Variants in UTRN observed in about 807,000 individuals in gnomAD.
UTRN encodes the protein dystrophin-related protein 1.
A neutral mutation model predicts 463.9 loss-of-function variants in UTRN; 283 were observed. That is an observed-to-expected ratio of 0.61 (90% CI 0.55 to 0.67). The LOEUF (loss-of-function observed/expected upper bound fraction) is 0.67. UTRN is among the 30% of genes least tolerant of loss of function. UTRN has a pLI of 0.00. For missense variants in UTRN, 3,922 were observed against 4,084.3 expected (o/e 0.96, Z 1.08); for synonymous variants, 1,442 against 1,431.5 (o/e 1.01, Z -0.17).
intron 3 of UTRN, among the ~76,000 whole-genome samples, chr6:144,409,670 G>A (rs1468285643): frequency 1.3e-5 from 2 of 152,116 alleles, no homozygotes; most frequent in Admixed American, 6.5e-5. Context: ...GGAGACACTG[G>A]ACCCATTTCC....
intron 41 of UTRN, among the ~76,000 whole-genome samples, chr6:144,529,221 T>C (rs1050914723): frequency 1.3e-4 from 20 of 152,196 alleles, no homozygotes; most frequent in Non-Finnish European, 2.9e-5. Flanking sequence ...AGGCAGCTGG[T>C]GAGCAGGGTT....
intron 66 of UTRN, among the ~76,000 whole-genome samples, chr6:144,827,073 C>T (rs1293799973): frequency 6.6e-6 from 1 of 151,958 alleles, no homozygotes; most frequent in Non-Finnish European, 1.5e-5. Context: ...CTGGTTTTTT[C>T]CCCAGTATGA....
chr6:144,660,082 A>G (rs1178412766), intron 51 of UTRN: 2 of 392,100 alleles, frequency 5.1e-6, no homozygotes, highest in East Asian at 7.2e-5. Flanking sequence ...CTGCTGATGG[A>G]CCATAGCTCA....
intron 2 of UTRN, among the ~76,000 whole-genome samples, chr6:144,316,136 G>T (rs1421326563): frequency 1.3e-5 from 2 of 152,172 alleles, no homozygotes; most frequent in Non-Finnish European, 2.9e-5. Context: ...GATTACTTGA[G>T]GCCAGGAGTT....
intron 53 of UTRN, among the ~76,000 whole-genome samples, chr6:144,715,699 C>CCCA (rs1554350704): frequency 7.1e-6 from 1 of 141,418 alleles, no homozygotes; most frequent in East Asian, 2.8e-4. Flanking sequence ...CTCTTCCCCC[C>CCCA]CCACCCTTTT....
At position 144,670,456 on chromosome 6, in the gene UTRN, C is replaced by CT. The variant is rs145535795; in HGVS notation, c.7480-7950_7480-7949insT. ...GGAATTGTCTATTCATGTCCTTAAT[C>CT]AAGTTTTTGATGGGATTATTTGTTT... On this transcript the variant is annotated intron_variant, in intron 51 of 74. Coordinates refer to ENST00000367545, the MANE Select transcript of UTRN (RefSeq NM_007124.3). Among the ~76,000 whole-genome samples, 7,401 of 152,086 alleles carry CT rather than the reference C, an allele frequency of 0.049. 781 individuals are homozygous for CT. The East Asian group carries it at 0.51, about 10-fold the overall frequency.
chr6:144,360,417 T>G (rs1287066515), intron 2 of UTRN, among the ~76,000 whole-genome samples: 1 of 152,034 alleles, frequency 6.6e-6, no homozygotes, highest in Non-Finnish European at 1.5e-5. Context: ...AAGTGATCCA[T>G]CCACCTTAGC....
At chr6:144,622,150 A>G (rs888263821) in intron 51 of UTRN, among the ~76,000 whole-genome samples, 2 of 135,270 alleles carry the variant, frequency 1.5e-5, no homozygotes, top group Non-Finnish European at 1.6e-5. Flanking sequence ...TGAGTGTTTT[A>G]TCTTACAATA....
At chr6:144,316,313 T>C (rs1775285873) in intron 2 of UTRN, among the ~76,000 whole-genome samples, 1 of 152,234 alleles carries the variant, frequency 6.6e-6, no homozygotes, top group African/African-American at 2.4e-5. Context: ...GTTTGTGTGA[T>C]AGTGGGCACA....
intron 2 of UTRN, among the ~76,000 whole-genome samples, chr6:144,345,015 C>T (rs542026035): frequency 3.1e-4 from 47 of 152,196 alleles, no homozygotes; most frequent in Non-Finnish European, 5.9e-4. Context: ...GGGGAAAAAC[C>T]CCAAGTGATG....
At chr6:144,593,462 C>A (rs77583058) in intron 51 of UTRN, among the ~76,000 whole-genome samples, 1 of 152,090 alleles carries the variant, frequency 6.6e-6, no homozygotes, top group African/African-American at 2.4e-5. Context: ...CCTTGGCTTG[C>A]GACCAATCAG....
chr6:144,738,218 T>C (rs902331622), intron 54 of UTRN, among the ~76,000 whole-genome samples: 4 of 152,198 alleles, frequency 2.6e-5, no homozygotes, highest in African/African-American at 7.2e-5. Flanking sequence ...TTGATCTCAA[T>C]GTCTAGAGCC....
chr6:144,493,223 G>T (rs967582398), intron 32 of UTRN, 78 bp from the exon 33 acceptor site: 1 of 1,422,520 alleles, frequency 7.0e-7, no homozygotes, highest in East Asian at 2.3e-5. Context: ...ATCTGTGTAA[G>T]CTGTGGTCTG....
intron 51 of UTRN, among the ~76,000 whole-genome samples, chr6:144,669,151 A>G (rs1181931450): frequency 1.3e-5 from 2 of 152,202 alleles, no homozygotes; most frequent in Non-Finnish European, 1.5e-5. Context: ...CCAAACTAAT[A>G]TGGATAGTTA....
chr6:144,668,678 C>T (rs1309187551), intron 51 of UTRN, among the ~76,000 whole-genome samples: 1 of 152,132 alleles, frequency 6.6e-6, no homozygotes, highest in African/African-American at 2.4e-5. Flanking sequence ...GGCAGGGCAG[C>T]TCTCTGGGGC....
chr6:144,746,091 C>G (rs889036264), intron 54 of UTRN, among the ~76,000 whole-genome samples: 2 of 151,846 alleles, frequency 1.3e-5, no homozygotes, highest in African/African-American at 4.8e-5. Context: ...ACCTCTGCCT[C>G]CCGGGGTCAA....
chr6:144,592,599 G>A (rs1299867360), intron 51 of UTRN, among the ~76,000 whole-genome samples: 1 of 152,122 alleles, frequency 6.6e-6, no homozygotes, highest in East Asian at 1.9e-4. Flanking sequence ...TCGATCTCTT[G>A]ACCTCGTGAT....
chr6:144,755,917 TAATC>T (rs1791940272), intron 57 of UTRN, among the ~76,000 whole-genome samples: 1 of 152,102 alleles, frequency 6.6e-6, no homozygotes, highest in African/African-American at 2.4e-5. Context: ...TCAAGAATCT[TAATC>T]AGTCATTTTC....
intron 51 of UTRN, among the ~76,000 whole-genome samples, chr6:144,614,825 A>G (rs1805906156): frequency 6.6e-6 from 1 of 152,130 alleles, no homozygotes; most frequent in Non-Finnish European, 1.5e-5. Flanking sequence ...GGCTTTTTCT[A>G]AGTTGTTCTC....
Sources: gnomAD v4.1 joint callset for allele counts (sites outside exome capture counted in the v4.1 genomes callset) on GRCh38, gnomAD v4.1.1 for gene constraint, MANE v1.5 for transcripts, NCBI Gene and HGNC (gene_info 2026-07-23, HGNC 2026-07-21) for gene names.